PDZK1: variants seen among roughly 807,000 people sequenced by gnomAD.
The protein encoded by PDZK1 is PDZ domain containing 1, also known as Na(+)/H(+) exchange regulatory cofactor NHE-RF3.
PDZK1 carries 23 observed loss-of-function variants against 38.1 expected under a neutral mutation model. That is an observed-to-expected ratio of 0.60 (90% CI 0.43 to 0.85). PDZK1 has a LOEUF of 0.85. Ranked by LOEUF, PDZK1 falls within the 40% of genes least tolerant of loss-of-function variation. The probability of loss-of-function intolerance (pLI) is 0.00; values close to 1 mark genes in which losing one functional copy is unlikely to be tolerated. For synonymous variants in PDZK1, 98 were observed against 186.2 expected, an observed-to-expected ratio of 0.53 and a Z score of 3.86; for missense variants, 297 against 504.3, an observed-to-expected ratio of 0.59 and a Z score of 3.94.
chr1:145,706,326 C>T (rs1656246862), intron 1 of PDZK1, among the ~76,000 whole-genome samples: 1 of 152,146 alleles, frequency 6.6e-6, no homozygotes, highest in South Asian at 2.1e-4. Context: ...ATACAAAAGT[C>T]AAAGATAAGC....
chr1:145,682,876 G>T (rs1245081882), intron 3 of PDZK1, among the ~76,000 whole-genome samples: 1 of 152,152 alleles, frequency 6.6e-6, no homozygotes, highest in East Asian at 1.9e-4. Flanking sequence ...TCTTGCTGGA[G>T]CACATATACC....
At chr1:145,705,560 C>T (rs143207654) in intron 1 of PDZK1, among the ~76,000 whole-genome samples, 5 of 152,242 alleles carry the variant, frequency 3.3e-5, no homozygotes, top group African/African-American at 1.2e-4. Context: ...ACTTGGCCAA[C>T]TGAAAAAGAC....
rs587672719 is a variant in PDZK1 at position 145,686,828 on chromosome 1, A to G, written c.211-102T>C. 1.2e-4 allele frequency: 86 copies of G among 691,794 alleles called. No individual in the cohort carries two copies. The African/African-American group carries it at 1.3e-3, about 10-fold the overall frequency. 42.9% of individuals were successfully genotyped at this position (691,794 alleles called of 1,614,324 possible). On this transcript the variant is annotated intron_variant, in intron 2 of 8. Coordinates refer to ENST00000417171, the MANE Select transcript of PDZK1 (RefSeq NM_001201325.2). ...AATATCTGGCCCTGGAGATGCTGCTAGTTGACCCTTGACACCCAAGTAGAA... is the reference window on the plus strand; with the variant it reads ...AATATCTGGCCCTGGAGATGCTGCTGGTTGACCCTTGACACCCAAGTAGAA...
intron 5 of PDZK1, among the ~76,000 whole-genome samples, chr1:145,680,368 C>A (rs1320693329): frequency 6.6e-6 from 1 of 152,122 alleles, no homozygotes; most frequent in African/African-American, 2.4e-5. Context: ...AACTCATGTT[C>A]TTTTATGTAT....
rs782211597 is a variant in PDZK1, at chr1:145,687,883, C to A, written c.139G>T (p.Ala47Ser). 15 of 1,613,926 alleles carry A rather than the reference C, an allele frequency of 9.3e-6. No individual in the cohort carries two copies. The African/African-American group carries it at 1.9e-4, about 20-fold the overall frequency. The change falls in exon 2 of 9, where the codon GCT becomes TCT. Residue 47 changes from alanine to serine, a missense_variant. Physicochemically the swap from Ala to Ser is moderately conservative, Grantham distance 99. Transcript: ENST00000417171. ...ACTCTGTCTCCATCTTGAAGGCCAGCCTTCTCTGCTGGGCTACACTTCTCA... is the reference window on the plus strand; with the variant it reads ...ACTCTGTCTCCATCTTGAAGGCCAGACTTCTCTGCTGGGCTACACTTCTCA... ...VVEKCSPAEK[A>S]GLQDGDRVLR...
intron 4 of PDZK1, among the ~76,000 whole-genome samples, chr1:145,682,054 A>AC (rs1571596184): frequency 8.0e-5 from 10 of 125,570 alleles, no homozygotes; most frequent in South Asian, 7.9e-4. Context: ...ACACACACAT[A>AC]AAAATTAGCC....
At chr1:145,691,453 G>C (rs999093415) in intron 1 of PDZK1, among the ~76,000 whole-genome samples, 1 of 152,104 alleles carries the variant, frequency 6.6e-6, no homozygotes, top group Non-Finnish European at 1.5e-5. Context: ...GCCTAATTAG[G>C]AAGGATCTTT....
intron 1 of PDZK1, among the ~76,000 whole-genome samples, chr1:145,695,958 C>T (rs1441609610): frequency 2.0e-5 from 3 of 152,348 alleles, no homozygotes; most frequent in South Asian, 2.1e-4. Context: ...CTTCTTTACA[C>T]TCACCATGAC....
intron 1 of PDZK1, among the ~76,000 whole-genome samples, chr1:145,705,280 G>A (rs1351334973): frequency 1.3e-5 from 2 of 152,068 alleles, no homozygotes; most frequent in East Asian, 3.9e-4. Context: ...TAGTAGAGAT[G>A]GGGTTTCACC....
chr1:145,698,970 G>A (rs1655791426), intron 1 of PDZK1, among the ~76,000 whole-genome samples: 1 of 151,686 alleles, frequency 6.6e-6, no homozygotes, highest in Non-Finnish European at 1.5e-5. Context: ...AGGTACAGTG[G>A]TTCATGCCTG....
Position 145,687,821 on chromosome 1 carries a change from T to A in PDZK1, c.201A>T (p.Glu67Asp). ...CAAATGTCTCATTCACCTGCATATGTTCTTCTTTGTCCACAAAGACACCAT... is the reference window on the plus strand; with the variant it reads ...CAAATGTCTCATTCACCTGCATATGATCTTCTTTGTCCACAAAGACACCAT... ...RINGVFVDKE[E>D]HMQVVDLVRK... Residue 67 changes from glutamate to aspartate, a missense_variant, in exon 2 of 9, where the codon GAA (glutamate) becomes GAT (aspartate). By Grantham distance (45) the Glu-to-Asp change is conservative. Transcript: ENST00000417171. The A allele has an allele frequency of 6.2e-7, 1 of 1,612,522 alleles. No individual in the cohort carries two copies. Among genetic ancestry groups the A allele is most frequent in the Non-Finnish European group, 8.5e-7 (1 of 1,178,548 alleles).
intron 4 of PDZK1, among the ~76,000 whole-genome samples, chr1:145,681,458 T>A (rs1224563263): frequency 3.3e-5 from 5 of 149,810 alleles, no homozygotes; most frequent in African/African-American, 5.1e-5. Flanking sequence ...AAATTTTTTT[T>A]TTTTTATTTT....
intron 1 of PDZK1, among the ~76,000 whole-genome samples, chr1:145,693,686 A>G (rs1197482316): frequency 1.3e-5 from 2 of 151,918 alleles, no homozygotes; most frequent in African/African-American, 4.8e-5. Context: ...AGGCAGGAGA[A>G]TGGCGTGAAC....
At chr1:145,701,336 G>A (rs1392922784) in intron 1 of PDZK1, among the ~76,000 whole-genome samples, 1 of 151,018 alleles carries the variant, frequency 6.6e-6, no homozygotes, top group African/African-American at 2.4e-5. Context: ...TTTTGTTGAG[G>A]CATAAGGAAA....
intron 1 of PDZK1, among the ~76,000 whole-genome samples, chr1:145,701,708 G>C (rs1655970389): frequency 6.6e-6 from 1 of 152,154 alleles, no homozygotes; most frequent in African/African-American, 2.4e-5. Flanking sequence ...GCCTGCCACA[G>C]AGCCTTGGCA....
intron 1 of PDZK1, among the ~76,000 whole-genome samples, chr1:145,705,179 C>G (rs587614576): frequency 1.3e-5 from 2 of 152,304 alleles, no homozygotes; most frequent in East Asian, 1.9e-4. Flanking sequence ...CAACCTCCAC[C>G]TCCCAGGTTC....
chr1:145,703,801 T>C (rs1553705313), intron 1 of PDZK1, among the ~76,000 whole-genome samples: 2 of 151,878 alleles, frequency 1.3e-5, no homozygotes, highest in African/African-American at 4.8e-5. Context: ...TCAGGATCCA[T>C]GTCGTGTGTC....
intron 1 of PDZK1, among the ~76,000 whole-genome samples, chr1:145,692,060 AAG>A (rs1655267586): frequency 6.6e-6 from 1 of 152,142 alleles, no homozygotes; most frequent in Non-Finnish European, 1.5e-5. Context: ...GCTGCCAGGA[AAG>A]AGAATAATGT....
chr1:145,680,694 G>A (rs144556127), intron 5 of PDZK1, among the ~76,000 whole-genome samples: 2,712 of 133,600 alleles, frequency 0.02, 83 homozygotes, highest in African/African-American at 0.072. Flanking sequence ...CCAGGATACC[G>A]TTGCCCAGAT....
Sources: allele counts gnomAD v4.1 joint callset (sites outside exome capture counted in the v4.1 genomes callset), GRCh38; gene constraint gnomAD v4.1.1; transcripts MANE v1.5; gene names NCBI Gene and HGNC (gene_info 2026-07-23, HGNC 2026-07-21).